Variants in CADM2 observed in about 807,000 individuals in gnomAD.
CADM2 encodes the protein cell adhesion molecule 2, also known as immunoglobulin superfamily member 4D.
Under a neutral mutation model 49.8 loss-of-function variants are expected in CADM2, and 12 were observed. That is an observed-to-expected ratio of 0.24 (90% CI 0.15 to 0.39). The LOEUF (loss-of-function observed/expected upper bound fraction) is 0.39. Ranked by LOEUF, CADM2 falls within the 10% of genes least tolerant of loss-of-function variation. CADM2 has a pLI of 1.00. For synonymous variants in CADM2, 214 were observed against 175.4 expected, an observed-to-expected ratio of 1.22 and a Z score of -1.74; for missense variants, 378 against 492.3, an observed-to-expected ratio of 0.77 and a Z score of 2.20.
chr3:85,752,472 GCACACACA>G (rs3044028), intron 2 of CADM2, among the ~76,000 whole-genome samples: 1,678 of 147,894 alleles, frequency 0.011, 49 homozygotes, highest in South Asian at 0.1. Flanking sequence ...ATGTGTGCGT[GCACACACA>G]CACACACACA....
chr3:85,949,130 A>G (rs1189816354), intron 7 of CADM2, among the ~76,000 whole-genome samples: 1 of 151,506 alleles, frequency 6.6e-6, no homozygotes, highest in Non-Finnish European at 1.5e-5. Flanking sequence ...ACTGTGAGTC[A>G]CTAGTGCAGT....
chr3:86,013,551 A>G (rs1268301026), intron 8 of CADM2: 1 of 1,604,616 alleles, frequency 6.2e-7, no homozygotes, highest in Admixed American at 1.7e-5. Context: ...GCAGAGGCAG[A>G]TGGTAGAGAT....
intron 3 of CADM2, among the ~76,000 whole-genome samples, chr3:85,809,503 A>G (rs975891126): frequency 6.6e-6 from 1 of 152,112 alleles, no homozygotes; most frequent in Non-Finnish European, 1.5e-5. Context: ...AAGCAAGAGA[A>G]TTGCTTGAAC....
chr3:85,371,701 A>G (rs1298820931), intron 1 of CADM2, among the ~76,000 whole-genome samples: 13 of 142,670 alleles, frequency 9.1e-5, no homozygotes, highest in East Asian at 4.0e-4. Flanking sequence ...ATATATATAT[A>G]TATATATATA....
chr3:85,618,993 A>G (rs560844450), intron 1 of CADM2, among the ~76,000 whole-genome samples: 1 of 152,012 alleles, frequency 6.6e-6, no homozygotes, highest in East Asian at 1.9e-4. Flanking sequence ...GGGAGCTGAG[A>G]TCGGCCACTG....
chr3:85,616,126 T>C (rs1344390339), intron 1 of CADM2, among the ~76,000 whole-genome samples: 3 of 151,778 alleles, frequency 2.0e-5, no homozygotes, highest in African/African-American at 7.3e-5. Context: ...ACTGAATTAA[T>C]CCTCATTTTA....
intron 1 of CADM2, among the ~76,000 whole-genome samples, chr3:85,496,696 C>G (rs1288414982): frequency 6.6e-6 from 1 of 152,094 alleles, no homozygotes. Flanking sequence ...ACAGGCTTAC[C>G]TGCATTTGTT....
At chr3:84,964,136 G>C (rs1272561615) in intron 1 of CADM2, among the ~76,000 whole-genome samples, 1 of 152,128 alleles carries the variant, frequency 6.6e-6, no homozygotes, top group Non-Finnish European at 1.5e-5. Flanking sequence ...CAACTGAGAT[G>C]ATCTGTTCTT....
At chr3:85,776,534 C>T (rs73845656) in intron 2 of CADM2, among the ~76,000 whole-genome samples, 7,730 of 152,020 alleles carry the variant, frequency 0.051, 556 homozygotes, top group African/African-American at 0.16. Context: ...AATAGAACAT[C>T]ATTTAATGTA....
chr3:85,817,603 G>A (rs2073290623), intron 3 of CADM2, among the ~76,000 whole-genome samples: 1 of 152,122 alleles, frequency 6.6e-6, no homozygotes, highest in African/African-American at 2.4e-5. Context: ...ACATTAGTTA[G>A]TTGTTCAAAA....
chr3:85,273,699 A>G (rs1349835398), intron 1 of CADM2, among the ~76,000 whole-genome samples: 1 of 150,430 alleles, frequency 6.6e-6, no homozygotes. Context: ...GGTTTTAGAC[A>G]TATTAAGTTT....
chr3:85,405,637 A>T (rs2035334163), intron 1 of CADM2, among the ~76,000 whole-genome samples: 1 of 152,160 alleles, frequency 6.6e-6, no homozygotes, highest in Non-Finnish European at 1.5e-5. Flanking sequence ...TAAAGATGAA[A>T]GTAGCGTTCC....
intron 1 of CADM2, among the ~76,000 whole-genome samples, chr3:85,187,619 G>A (rs1423857836): frequency 1.3e-5 from 2 of 151,894 alleles, no homozygotes; most frequent in Middle Eastern, 3.2e-3. Flanking sequence ...ATTGCAATTG[G>A]CAATTCTATA....
chr3:85,261,805 A>T (rs945594636), intron 1 of CADM2, among the ~76,000 whole-genome samples: 10 of 152,092 alleles, frequency 6.6e-5, no homozygotes, highest in African/African-American at 2.4e-4. Flanking sequence ...ATATTTCTAA[A>T]TTAAAAACAA....
At chr3:85,460,473 AT>A (rs1198312642) in intron 1 of CADM2, among the ~76,000 whole-genome samples, 1 of 152,154 alleles carries the variant, frequency 6.6e-6, no homozygotes, top group Non-Finnish European at 1.5e-5. Flanking sequence ...GCATTTCAAA[AT>A]GTAACTGAAG....
chr3:85,298,900 A>G (rs1320357012), intron 1 of CADM2, among the ~76,000 whole-genome samples: 1 of 152,080 alleles, frequency 6.6e-6, no homozygotes, highest in Non-Finnish European at 1.5e-5. Context: ...TTTCAAATCT[A>G]GAACCAGAAT....
chr3:85,143,332 G>T (rs1343074048), intron 1 of CADM2, among the ~76,000 whole-genome samples: 1 of 151,908 alleles, frequency 6.6e-6, no homozygotes, highest in African/African-American at 2.4e-5. Context: ...AAAATAAAAA[G>T]AAAAAATTAA....
intron 1 of CADM2, among the ~76,000 whole-genome samples, chr3:85,093,504 AG>A (rs1038422651): frequency 1.2e-4 from 18 of 152,038 alleles, no homozygotes; most frequent in Admixed American, 6.6e-5. Flanking sequence ...AAAAAAAAAA[AG>A]ATACATCCTT....
At chr3:85,042,675 T>G (rs982667584) in intron 1 of CADM2, among the ~76,000 whole-genome samples, 1 of 152,108 alleles carries the variant, frequency 6.6e-6, no homozygotes, top group African/African-American at 2.4e-5. Context: ...AGCAGAACAG[T>G]TTTGAATAGC....
Sources: allele counts gnomAD v4.1 joint callset (sites outside exome capture counted in the v4.1 genomes callset), GRCh38; gene constraint gnomAD v4.1.1; transcripts MANE v1.5; gene names NCBI Gene and HGNC (gene_info 2026-07-23, HGNC 2026-07-21).